RPL7L1: variants seen among roughly 807,000 people sequenced by gnomAD.
The protein encoded by RPL7L1 is ribosomal protein L7 like 1.
RPL7L1 carries 20 observed loss-of-function variants against 30.3 expected under a neutral mutation model. The ratio of observed to expected loss-of-function variants is 0.66; its 90% CI spans 0.46 to 0.96. The LOEUF is 0.96. Ranked by LOEUF, RPL7L1 falls within the 40% of genes least tolerant of loss-of-function variation. The pLI, the probability that RPL7L1 is intolerant of heterozygous loss-of-function variation, is 0.00. For missense variants in RPL7L1, 271 were observed against 314.9 expected, an observed-to-expected ratio of 0.86 and a Z score of 1.05; for synonymous variants, 107 against 110.1, an observed-to-expected ratio of 0.97 and a Z score of 0.18.
chr6:42,880,353 T>C (rs905647382), intron 1 of RPL7L1, among the ~76,000 whole-genome samples: 1 of 152,142 alleles, frequency 6.6e-6, no homozygotes, highest in Non-Finnish European at 1.5e-5. Flanking sequence ...TTCCGAGGCT[T>C]TGGGGATGAG....
At position 42,886,047 on chromosome 6, in the gene RPL7L1, C is replaced by G. The variant is rs770735484; in HGVS notation, c.523C>G (p.Pro175Ala). 1 of 1,606,484 alleles carries G rather than the reference C, an allele frequency of 6.2e-7. No homozygotes were observed. The highest frequency in any genetic ancestry group is 1.1e-5 in the South Asian group (1 of 90,970). Residue 175 changes from proline to alanine, a missense_variant, in exon 5 of 6, where the codon CCT becomes GCT. Physicochemically the swap from Pro to Ala is conservative, Grantham distance 27 (BLOSUM62 -1). Transcript: ENST00000493763. ...GQAKVKNKTI[P>A]LTDNTVIEEH... ...AGCCAAGGTCAAGAATAAGACCATC[C>G]CTCTGACAGACAATACAGTGATTGA... is the stretch of plus-strand genomic sequence containing the variant.
At position 42,883,506 on chromosome 6, in the gene RPL7L1, C is replaced by T. The variant is rs778773742; in HGVS notation, c.203C>T (p.Ser68Phe). 2.5e-6 allele frequency: 4 copies of T among 1,609,476 alleles called. No individual in the cohort carries two copies. The East Asian group carries it at 8.9e-5, about 36-fold the overall frequency. ...CGACTGGAATCATTCCTACATGATT[C>T]CTGGCGGCAGAAACGTGACAAGGTG... ...FKRLESFLHD[S>F]WRQKRDKVRL... The change falls in exon 3 of 6, where the codon TCC (serine) becomes TTC (phenylalanine). Residue 68 changes from serine to phenylalanine, a missense_variant. Ser to Phe is a radical substitution (Grantham distance 155, BLOSUM62 -2). Coordinates refer to ENST00000493763, the MANE Select transcript of RPL7L1 (RefSeq NM_001366481.3).
Position 42,879,874 on chromosome 6 carries a change from G to A in RPL7L1, c.-37G>A. On this transcript the variant is annotated 5_prime_UTR_variant, in exon 1 of 6. Transcript: ENST00000493763. ...AGACGTCTCTATGGTCAAGTAAACA[G>A]AGCGTGTGCTGTCTTCCCCATGTGG... is the stretch of plus-strand genomic sequence containing the variant. 6.2e-7 allele frequency: 1 copy of A among 1,611,168 alleles called. No individual in the cohort carries two copies. Among genetic ancestry groups the A allele is most frequent in the Non-Finnish European group, 8.5e-7 (1 of 1,178,044 alleles).
Position 42,886,023 on chromosome 6 carries a change from G to A in RPL7L1, c.499G>A (p.Ala167Thr). 2 of 1,610,762 alleles carry A rather than the reference G, an allele frequency of 1.2e-6. No homozygotes were observed. Among genetic ancestry groups the A allele is most frequent in the Non-Finnish European group, 1.7e-6 (2 of 1,178,206 alleles). Residue 167 changes from alanine (A) to threonine (T), a missense_variant, in exon 5 of 6, where the codon GCC becomes ACC. By Grantham distance (58) the Ala-to-Thr change is moderately conservative. Coordinates refer to ENST00000493763, the MANE Select transcript of RPL7L1 (RefSeq NM_001366481.3). Reference protein sequence around the residue: ...VRELILKRGQAKVKNKTIPLT... With the variant: ...VRELILKRGQTKVKNKTIPLT... ...AGAACTCATTTTGAAACGTGGACAA[G>A]CCAAGGTCAAGAATAAGACCATCCC...
rs1273917940 is a variant in RPL7L1, at chr6:42,888,356, C to A, written c.*1892C>A. 1.3e-5 allele frequency: 2 copies of A among 152,198 alleles called. No homozygotes were observed. The highest frequency in any genetic ancestry group is 4.8e-5 in the African/African-American group (2 of 41,446). 9.4% of individuals were successfully genotyped at this position (152,198 alleles called of 1,614,324 possible). On this transcript the variant is annotated 3_prime_UTR_variant, in exon 6 of 6. Coordinates refer to ENST00000493763, the MANE Select transcript of RPL7L1 (RefSeq NM_001366481.3). ...TAGTAGAGATGGAGACAGAGTTTCA[C>A]CATGTAGGCCAGGCTAGTCTCAAAC...
Position 42,888,451 on chromosome 6 carries a change from C to T in RPL7L1, c.*1987C>T, listed in dbSNP as rs1339134437. The T allele has an allele frequency of 6.6e-6, 1 of 152,292 alleles. No individual in the cohort carries two copies. Among genetic ancestry groups the T allele is most frequent in the African/African-American group, 2.4e-5 (1 of 41,438 alleles). 9.4% of individuals were successfully genotyped at this position (152,292 alleles called of 1,614,324 possible). ...GGGATTACAGGCATGAGCAACTGCG[C>T]CCAGCTCTTGTGTACCTTATGTGAG... On this transcript the variant is annotated 3_prime_UTR_variant, in exon 6 of 6. Coordinates refer to ENST00000493763, the MANE Select transcript of RPL7L1 (RefSeq NM_001366481.3).
rs1766371095 is a variant in RPL7L1, at chr6:42,888,663, T to C, written c.*2199T>C. The C allele has an allele frequency of 1.3e-5, 2 of 152,332 alleles. No individual in the cohort carries two copies. The highest frequency in any genetic ancestry group is 2.9e-5 in the Non-Finnish European group (2 of 68,108). The allele number at this position is 152,332 out of a possible 1,614,324, so 9.4% of individuals were successfully genotyped here. ...CTTCCCCTGGGCTTCAGAATAGAAT[T>C]GCCTGGTTTCTCTGATGATCAGCAT... On this transcript the variant is annotated 3_prime_UTR_variant, in exon 6 of 6. Transcript: ENST00000493763.
At position 42,888,410 on chromosome 6, in the gene RPL7L1, G is replaced by A. The variant is rs1447635788; in HGVS notation, c.*1946G>A. On this transcript the variant is annotated 3_prime_UTR_variant, in exon 6 of 6. Coordinates refer to ENST00000493763, the MANE Select transcript of RPL7L1 (RefSeq NM_001366481.3). ...TGACCTCAAGTGATCCACAAGCCTG[G>A]GCCTCCCAAAGTGCTGGGATTACAG... The A allele has an allele frequency of 6.6e-6, 1 of 152,192 alleles. No homozygotes were observed. Among genetic ancestry groups the A allele is most frequent in the Non-Finnish European group, 1.5e-5 (1 of 68,090 alleles). 9.4% of individuals were successfully genotyped at this position (152,192 alleles called of 1,614,324 possible). A position where few individuals can be genotyped will look rare whatever the true frequency, so the allele number is the denominator to read the frequency against.
rs1281252868 is a variant in RPL7L1 at position 42,888,045 on chromosome 6, G to T, written c.*1581G>T. ...ACTGGCTTAGTACTTTTTCCTAAAA[G>T]CTCAGGATTTGAGAATGAGGACCCC... On this transcript the variant is annotated 3_prime_UTR_variant, in exon 6 of 6. Transcript: ENST00000493763. 2.0e-5 allele frequency: 3 copies of T among 151,376 alleles called. No homozygotes were observed. The highest frequency in any genetic ancestry group is 6.6e-5 in the Admixed American group (1 of 15,146). The allele number at this position is 151,376 out of a possible 1,614,324, so 9.4% of individuals were successfully genotyped here. A position where few individuals can be genotyped will look rare whatever the true frequency, so the allele number is the denominator to read the frequency against.
rs1355752479 is a variant in RPL7L1 at position 42,886,298 on chromosome 6, T to C, written c.602T>C (p.Ile201Thr). The C allele has an allele frequency of 6.2e-7, 1 of 1,611,440 alleles. No individual in the cohort carries two copies. Among genetic ancestry groups the C allele is most frequent in the African/African-American group, 1.3e-5 (1 of 74,822 alleles). Residue 201 changes from isoleucine to threonine, a missense_variant, in exon 6 of 6, where the codon ATT becomes ACT. Transcript: ENST00000493763. Reference protein sequence around the residue: ...VICLEDLIHEIAFPGKHFQEI... With the variant: ...VICLEDLIHETAFPGKHFQEI... The stretch of plus-strand genomic sequence containing the variant: ...TGCTTGGAAGACCTCATTCATGAAA[T>C]TGCCTTCCCAGGGAAGCATTTCCAG...
At chr6:42,884,470 G>T (rs1285801637) in intron 3 of RPL7L1, 143 bp from the exon 4 acceptor site, 14 of 644,684 alleles carry the variant, frequency 2.2e-5, no homozygotes, top group Non-Finnish European at 2.7e-5. Flanking sequence ...TTTCATAACC[G>T]CCTCCCACTA....
At chr6:42,880,123 C>T (rs1336992695) in intron 1 of RPL7L1, among the ~76,000 whole-genome samples, 172 bp downstream of exon 1, 4 of 152,100 alleles carry the variant, frequency 2.6e-5, no homozygotes, top group South Asian at 2.1e-4. Context: ...GGGAGGGGAC[C>T]GCGGTCAAGT....
chr6:42,884,516 T>C (rs1007059649), intron 3 of RPL7L1, 97 bp from the exon 4 acceptor site: 9 of 1,109,242 alleles, frequency 8.1e-6, no homozygotes, highest in Non-Finnish European at 1.2e-5. Flanking sequence ...CTGTGTCTTA[T>C]TCCAGATTAC....
rs1766301578 is a variant in RPL7L1 at position 42,887,149 on chromosome 6, C to T, written c.*685C>T. The T allele has an allele frequency of 1.3e-5, 2 of 152,194 alleles. No individual in the cohort carries two copies. Among genetic ancestry groups the T allele is most frequent in the Admixed American group, 1.3e-4 (2 of 15,276 alleles). 9.4% of individuals were successfully genotyped at this position (152,194 alleles called of 1,614,324 possible). A position where few individuals can be genotyped will look rare whatever the true frequency, so the allele number is the denominator to read the frequency against. On this transcript the variant is annotated 3_prime_UTR_variant, in exon 6 of 6. Coordinates refer to ENST00000493763, the MANE Select transcript of RPL7L1 (RefSeq NM_001366481.3). ...TGAAATTACTTTTTATTGCTGTTGT[C>T]ATACTCTTAGGTGCCAAACTGCGGT...
chr6:42,884,202 C>T (rs1207798954), intron 3 of RPL7L1, among the ~76,000 whole-genome samples: 2 of 152,180 alleles, frequency 1.3e-5, no homozygotes, highest in East Asian at 3.8e-4. Flanking sequence ...ATTAACCTTC[C>T]TCCTGGATTT....
chr6:42,886,187 C>T, intron 5 of RPL7L1, 69 bp from the exon 6 acceptor site: 1 of 1,461,076 alleles, frequency 6.8e-7, no homozygotes, highest in Non-Finnish European at 9.6e-7. Flanking sequence ...AAGAGTCTGC[C>T]AGAGTGGCCA....
In RPL7L1 at chr6:42,886,243, T is replaced by C. The variant is rs762324729; in HGVS notation, c.560-13T>C. The C allele has an allele frequency of 7.7e-5, 123 of 1,605,484 alleles. No homozygotes were observed. The highest frequency in any genetic ancestry group is 1.0e-4 in the Non-Finnish European group (117 of 1,174,066). ...ATGTTAAATAAAGGAATCTGTGCTT[T>C]TGTGTTTCTTAGGGAAGTTTGGCGT... On this transcript the variant is annotated splice_polypyrimidine_tract_variant and intron_variant, in intron 5 of 5. Transcript: ENST00000493763.
Position 42,879,998 on chromosome 6 carries a change from C to T in RPL7L1, c.41+47C>T, listed in dbSNP as rs747032718. On this transcript the variant is annotated intron_variant, in intron 1 of 5. Coordinates refer to ENST00000493763, the MANE Select transcript of RPL7L1 (RefSeq NM_001366481.3). ...TATCTGGAGTGGGGTCTTGAGTATCCGGTGCCATCCACGGTGTTTATGCCT... is the reference window on the plus strand; with the variant it reads ...TATCTGGAGTGGGGTCTTGAGTATCTGGTGCCATCCACGGTGTTTATGCCT... 3 of 1,578,992 alleles carry T rather than the reference C, an allele frequency of 1.9e-6. No individual in the cohort carries two copies. The African/African-American group carries it at 4.0e-5, about 21-fold the overall frequency.
intron 1 of RPL7L1, among the ~76,000 whole-genome samples, chr6:42,880,332 GATTC>G (rs1053190189): frequency 7.9e-5 from 12 of 152,142 alleles, no homozygotes; most frequent in African/African-American, 2.9e-4. Context: ...GAGGCTAAAG[GATTC>G]ATTATTTTCC....
Sources: allele counts gnomAD v4.1 joint callset (sites outside exome capture counted in the v4.1 genomes callset), GRCh38; gene constraint gnomAD v4.1.1; transcripts MANE v1.5; gene names NCBI Gene and HGNC (gene_info 2026-07-23, HGNC 2026-07-21).